SGCZ: variants seen among roughly 807,000 people sequenced by gnomAD.
SGCZ encodes sarcoglycan zeta, also known as zeta-sarcoglycan.
SGCZ carries 40 observed loss-of-function variants against 41.3 expected under a neutral mutation model. The ratio of observed to expected loss-of-function variants is 0.97; its 90% CI spans 0.75 to 1.26. The LOEUF is 1.26. Ranked by LOEUF, SGCZ falls within the 50% of genes most tolerant of loss-of-function variation. The probability of loss-of-function intolerance (pLI) is 0.00; values close to 1 mark genes in which losing one functional copy is unlikely to be tolerated. For missense variants in SGCZ, 552 were observed against 369.8 expected, an observed-to-expected ratio of 1.49 and a Z score of -4.04; for synonymous variants, 206 against 137.5, an observed-to-expected ratio of 1.50 and a Z score of -3.49.
intron 2 of SGCZ, among the ~76,000 whole-genome samples, chr8:14,459,813 A>G (rs1800850293): frequency 6.6e-6 from 1 of 152,340 alleles, no homozygotes; most frequent in Admixed American, 6.5e-5. Flanking sequence ...AGCAAGGAAC[A>G]TAAACGCAAT....
chr8:14,266,885 G>A (rs1799888041), intron 3 of SGCZ, among the ~76,000 whole-genome samples: 1 of 152,024 alleles, frequency 6.6e-6, no homozygotes, highest in African/African-American at 2.4e-5. Flanking sequence ...ACCACAAAAT[G>A]GAGTAGAGGA....
intron 5 of SGCZ, among the ~76,000 whole-genome samples, chr8:14,157,997 C>A (rs1803928710): frequency 6.6e-6 from 1 of 152,136 alleles, no homozygotes; most frequent in Non-Finnish European, 1.5e-5. Context: ...GCCTGGCCAA[C>A]ATGGTGAAAC....
At chr8:14,919,177 G>A (rs1348348322) in intron 1 of SGCZ, among the ~76,000 whole-genome samples, 1 of 152,190 alleles carries the variant, frequency 6.6e-6, no homozygotes, top group East Asian at 1.9e-4. Flanking sequence ...GGTGGCTCAA[G>A]CCTGTAACCC....
intron 1 of SGCZ, among the ~76,000 whole-genome samples, chr8:14,663,593 G>T (rs981468046): frequency 1.3e-5 from 2 of 152,022 alleles, no homozygotes; most frequent in African/African-American, 4.8e-5. Context: ...TAATTCAATG[G>T]AATGCTACTT....
chr8:14,881,035 G>A (rs1481125654), intron 1 of SGCZ, among the ~76,000 whole-genome samples: 1 of 152,018 alleles, frequency 6.6e-6, no homozygotes, highest in East Asian at 1.9e-4. Flanking sequence ...AGTTCAAGTT[G>A]TATTATTTAC....
rs57337707 is a variant in SGCZ at position 14,822,073 on chromosome 8, TACACACACACAC to T, written c.40-267159_40-267148del. On this transcript the variant is annotated intron_variant, in intron 1 of 7. Coordinates refer to ENST00000382080, the MANE Select transcript of SGCZ (RefSeq NM_139167.4). ...TTTAAATATAAAAAACCCTAAAGATTACACACACACACACACACACACACACACACACACACG... is the reference window on the plus strand; with the variant it reads ...TTTAAATATAAAAAACCCTAAAGATTACACACACACACACACACACACACG... 4.9e-5 allele frequency among the ~76,000 whole-genome samples: 7 copies of T among 141,652 alleles called. No individual in the cohort carries two copies. The East Asian group carries it at 6.3e-4, about 13-fold the overall frequency. The allele number at this position is 141,652 out of a possible 152,430, so 92.9% of individuals were successfully genotyped here.
chr8:14,373,283 T>C (rs563255354), intron 2 of SGCZ, among the ~76,000 whole-genome samples: 5 of 152,348 alleles, frequency 3.3e-5, no homozygotes, highest in Middle Eastern at 3.4e-3. Context: ...GGAACATCGA[T>C]GCATAATTAA....
intron 1 of SGCZ, among the ~76,000 whole-genome samples, chr8:14,759,085 A>G (rs996976201): frequency 2.6e-5 from 4 of 152,134 alleles, no homozygotes; most frequent in Admixed American, 6.6e-5. Context: ...TGTATGGGGA[A>G]AGTGTGCAGC....
chr8:14,620,503 A>G (rs1806249383), intron 1 of SGCZ, among the ~76,000 whole-genome samples: 1 of 152,136 alleles, frequency 6.6e-6, no homozygotes, highest in Non-Finnish European at 1.5e-5. Context: ...TGAACAGGCA[A>G]CCTACAGAAT....
In SGCZ at chr8:14,542,568, T is replaced by A. The variant is rs575173106; in HGVS notation, c.234+12164A>T. 5.9e-5 allele frequency among the ~76,000 whole-genome samples: 9 copies of A among 152,178 alleles called. No homozygotes were observed. The East Asian group carries it at 1.7e-3, about 29-fold the overall frequency. On this transcript the variant is annotated intron_variant, in intron 2 of 7. Coordinates refer to ENST00000382080, the MANE Select transcript of SGCZ (RefSeq NM_139167.4). ...CCTGTTACTTAGAGCACCGAGCTAT[T>A]TATACACAGATTCTATTTCCTATTT...
intron 2 of SGCZ, among the ~76,000 whole-genome samples, chr8:14,503,210 A>C (rs1445010206): frequency 1.3e-5 from 2 of 152,012 alleles, no homozygotes; most frequent in Non-Finnish European, 2.9e-5. Flanking sequence ...AAAGCCAAAC[A>C]CTGCATGTTC....
chr8:14,809,894 T>G (rs1189855456), intron 1 of SGCZ, among the ~76,000 whole-genome samples: 1 of 152,104 alleles, frequency 6.6e-6, no homozygotes, highest in African/African-American at 2.4e-5. Context: ...AGGCTAAGAT[T>G]TAAGAAACTA....
chr8:15,131,694 A>G (rs565245522), intron 1 of SGCZ, among the ~76,000 whole-genome samples: 1 of 152,298 alleles, frequency 6.6e-6, no homozygotes, highest in Admixed American at 6.5e-5. Context: ...CCTGCAGAAC[A>G]GTTATTGAGT....
chr8:14,557,335 G>A (rs117251075), intron 1 of SGCZ, among the ~76,000 whole-genome samples: 2 of 151,244 alleles, frequency 1.3e-5, no homozygotes, highest in East Asian at 2.0e-4. Flanking sequence ...GTAGTCTTTT[G>A]TTGAATGTAT....
intron 7 of SGCZ, among the ~76,000 whole-genome samples, chr8:14,095,548 C>T (rs557412309): frequency 1.4e-4 from 22 of 152,208 alleles, no homozygotes; most frequent in Non-Finnish European, 2.8e-4. Context: ...ATGCCTGCAG[C>T]TTTGTTCTTT....
chr8:14,694,424 G>A (rs567636082), intron 1 of SGCZ, among the ~76,000 whole-genome samples: 18 of 152,038 alleles, frequency 1.2e-4, no homozygotes, highest in African/African-American at 2.2e-4. Context: ...ATATTCTAAC[G>A]TTGACTTTAG....
chr8:14,656,659 CCTTTTCTCCCTT>C (rs763252110), intron 1 of SGCZ, among the ~76,000 whole-genome samples: 7 of 149,324 alleles, frequency 4.7e-5, no homozygotes, highest in Non-Finnish European at 8.9e-5. Flanking sequence ...CTTTCATTTC[CCTTTTCTCCCTT>C]CTTTTCTCCC....
chr8:14,113,013 G>A (rs547524880), intron 5 of SGCZ, among the ~76,000 whole-genome samples: 2 of 152,192 alleles, frequency 1.3e-5, no homozygotes, highest in East Asian at 3.9e-4. Flanking sequence ...AAGAAGAAAT[G>A]TCAACCTATT....
intron 1 of SGCZ, among the ~76,000 whole-genome samples, chr8:14,777,031 T>A (rs978809962): frequency 7.9e-5 from 12 of 152,190 alleles, no homozygotes; most frequent in Non-Finnish European, 2.9e-5. Flanking sequence ...CAGCATGTAT[T>A]CTATCTGTGA....
Sources: gnomAD v4.1 joint callset for allele counts (sites outside exome capture counted in the v4.1 genomes callset) on GRCh38, gnomAD v4.1.1 for gene constraint, MANE v1.5 for transcripts, NCBI Gene and HGNC (gene_info 2026-07-23, HGNC 2026-07-21) for gene names.